The following PKHD1L1 variants were observed in gnomAD, a reference collection of about 807,000 sequenced individuals.
PKHD1L1 encodes PKHD1 like 1.
A neutral mutation model predicts 462.9 loss-of-function variants in PKHD1L1; 434 were observed. The observed-to-expected ratio is 0.94, with a 90% CI of 0.87 to 1.02. The LOEUF (loss-of-function observed/expected upper bound fraction) is 1.02. Ranked by LOEUF, PKHD1L1 falls within the 50% of genes least tolerant of loss-of-function variation. The pLI, the probability that PKHD1L1 is intolerant of heterozygous loss-of-function variation, is 0.00. For synonymous variants in PKHD1L1, 1,781 were observed against 1,750.0 expected, an observed-to-expected ratio of 1.02 and a Z score of -0.44; for missense variants, 5,202 against 5,096.1, an observed-to-expected ratio of 1.02 and a Z score of -0.63.
intron 2 of PKHD1L1, among the ~76,000 whole-genome samples, chr8:109,375,145 A>T (rs1215295133): frequency 1.3e-5 from 2 of 152,124 alleles, no homozygotes; most frequent in Non-Finnish European, 2.9e-5. Flanking sequence ...CACCAATTAG[A>T]CGTAGATTTG....
chr8:109,382,367 A>G (rs761058756), intron 3 of PKHD1L1, 96 bp from the exon 4 acceptor site: 15 of 988,136 alleles, frequency 1.5e-5, no homozygotes, highest in Non-Finnish European at 2.1e-5. Flanking sequence ...TTTCTGTCAA[A>G]AATAGCCTGC....
At chr8:109,407,537 C>G (rs1824193) in intron 17 of PKHD1L1, among the ~76,000 whole-genome samples, 3 of 151,834 alleles carry the variant, frequency 2.0e-5, no homozygotes, top group African/African-American at 7.3e-5. Context: ...GAGGACAGGC[C>G]TTATTCCTCT....
chr8:109,464,262 A>G lies in PKHD1L1; in HGVS notation c.7430A>G (p.His2477Arg). 1.9e-6 allele frequency: 3 copies of G among 1,612,184 alleles called. No individual in the cohort carries two copies. The highest frequency in any genetic ancestry group is 1.7e-4 in the Middle Eastern group (1 of 6,054). ...TTCCGGTTGGGGCGATATCCAATAC[A>G]TTGGCACCTGCTTGGAGACTTACAG... ...QAFRLGRYPI[H>R]WHLLGDLQFK... Residue 2477 changes from histidine to arginine, a missense_variant, in exon 49 of 78, where the codon CAT (histidine) becomes CGT (arginine). Around this residue, in one of 3 missense-constraint regions of PKHD1L1, gnomAD observed 4,497 missense variants for 4,336.8 expected, o/e 1.04. Coordinates refer to ENST00000378402, the MANE Select transcript of PKHD1L1 (RefSeq NM_177531.6).
chr8:109,401,512 C>A lies in PKHD1L1; in HGVS notation c.1297C>A (p.His433Asn), dbSNP rs771003823. 3.8e-6 allele frequency: 6 copies of A among 1,579,754 alleles called. No homozygotes were observed. Among genetic ancestry groups the A allele is most frequent in the Middle Eastern group, 3.3e-4 (2 of 5,994 alleles). ...LPEDKVRIAY[H>N]SANANSYFSS... ...CTCGGATTAGGTGAGGATTGCATAT[C>A]ATTCTGCTAATGCCAACAGTTATTT... is the stretch of plus-strand genomic sequence containing the variant. Residue 433 changes from histidine to asparagine, a missense_variant, in exon 14 of 78, where the codon CAT becomes AAT. Around this residue, in one of 3 missense-constraint regions of PKHD1L1, gnomAD observed 4,497 missense variants for 4,336.8 expected, o/e 1.04. Transcript: ENST00000378402.
chr8:109,375,589 G>C (rs1811773661), intron 2 of PKHD1L1, among the ~76,000 whole-genome samples: 1 of 152,110 alleles, frequency 6.6e-6, no homozygotes, highest in South Asian at 2.1e-4. Flanking sequence ...GATTTTTAGA[G>C]TTTCCAGTTT....
intron 55 of PKHD1L1, among the ~76,000 whole-genome samples, chr8:109,480,868 A>G (rs1305062446): frequency 6.6e-6 from 1 of 152,012 alleles, no homozygotes; most frequent in Non-Finnish European, 1.5e-5. Flanking sequence ...ACTGAATTTT[A>G]CCTTATTGTT....
intron 9 of PKHD1L1, among the ~76,000 whole-genome samples, chr8:109,393,505 C>T (rs1812806697): frequency 6.6e-6 from 1 of 152,028 alleles, no homozygotes; most frequent in South Asian, 2.1e-4. Flanking sequence ...TTATTAAGGA[C>T]AGTTTTAACC....
intron 6 of PKHD1L1, among the ~76,000 whole-genome samples, 175 bp from the exon 7 acceptor site, chr8:109,388,322 G>A (rs1812536846): frequency 6.6e-6 from 1 of 152,038 alleles, no homozygotes; most frequent in South Asian, 2.1e-4. Context: ...CCTAGAACAG[G>A]GACTGCCACA....
rs776905651 is a variant in PKHD1L1 at position 109,445,524 on chromosome 8, C to G, written c.5655C>G (p.Pro1885=). ...INPNEVYCRT[P]AGTTGMVDVK... ...CCAATGAAGTCTACTGCCGCACTCC[C>G]GCTGGGACCACTGGAATGGTCGATG... is the stretch of plus-strand genomic sequence containing the variant. Residue 1885 remains proline (P), a synonymous_variant, in exon 38 of 78, where the codon CCC becomes CCG. Transcript: ENST00000378402. The G allele has an allele frequency of 6.8e-6, 11 of 1,613,408 alleles. No homozygotes were observed. Among genetic ancestry groups the G allele is most frequent in the Non-Finnish European group, 9.3e-6 (11 of 1,179,738 alleles).
At chr8:109,397,560 C>T (rs1181794817) in intron 11 of PKHD1L1, among the ~76,000 whole-genome samples, 2 of 152,040 alleles carry the variant, frequency 1.3e-5, no homozygotes, top group East Asian at 3.9e-4. Context: ...CATAGTGGCA[C>T]ATGCCCGTAG....
intron 67 of PKHD1L1, among the ~76,000 whole-genome samples, chr8:109,500,520 C>CAAAAAA (rs542817713): frequency 4.6e-5 from 2 of 43,702 alleles, no homozygotes; most frequent in Admixed American, 3.0e-4. Flanking sequence ...ACTAAAAATA[C>CAAAAAA]AAAAAAAAAA....
chr8:109,466,493 A>G (rs1817445451), intron 49 of PKHD1L1, 85 bp from the exon 50 acceptor site: 3 of 1,326,874 alleles, frequency 2.3e-6, no homozygotes, highest in South Asian at 1.6e-5. Flanking sequence ...TAGTGGTACT[A>G]TGGGTCACAA....
intron 9 of PKHD1L1, among the ~76,000 whole-genome samples, chr8:109,390,719 A>G (rs1812673200): frequency 1.3e-5 from 2 of 152,096 alleles, no homozygotes. Flanking sequence ...TAACATAAAA[A>G]TCTTTACTTG....
At chr8:109,506,860 G>A (rs1819715538) in intron 68 of PKHD1L1, among the ~76,000 whole-genome samples, 1 of 152,034 alleles carries the variant, frequency 6.6e-6, no homozygotes, top group Admixed American at 6.6e-5. Flanking sequence ...TATTCTATGA[G>A]TATATTGTAT....
Position 109,470,461 on chromosome 8 carries a change from A to G in PKHD1L1, c.8605+3692A>G, listed in dbSNP as rs1817661542. 1.9e-6 allele frequency: 3 copies of G among 1,606,016 alleles called. No individual in the cohort carries two copies. The African/African-American group carries it at 4.0e-5, about 22-fold the overall frequency. ...AAAATGTGAAAGGAATGGATTGGTT[A>G]AAGCCCAGATAGCGCTAGAGGAAGC... is the stretch of plus-strand genomic sequence containing the variant. On this transcript the variant is annotated intron_variant, in intron 50 of 77. Coordinates refer to ENST00000378402, the MANE Select transcript of PKHD1L1 (RefSeq NM_177531.6).
chr8:109,404,439 A>G, intron 14 of PKHD1L1, 115 bp from the exon 15 acceptor site: 2 of 594,260 alleles, frequency 3.4e-6, no homozygotes, highest in Non-Finnish European at 2.6e-6. Context: ...ATACTACAAT[A>G]TAAGTCATTT....
intron 33 of PKHD1L1, 132 bp downstream of exon 33, chr8:109,440,984 TA>T (rs1189860575): frequency 8.6e-7 from 1 of 1,158,474 alleles, no homozygotes; most frequent in African/African-American, 1.5e-5. Context: ...AAGGTAAGTG[TA>T]TTTGGTTAAA....
At chr8:109,398,090 C>T (rs781467761) in intron 11 of PKHD1L1, among the ~76,000 whole-genome samples, 4 of 152,046 alleles carry the variant, frequency 2.6e-5, no homozygotes, top group African/African-American at 4.8e-5. Context: ...TCTACCTTTG[C>T]AAATTCTGAA....
chr8:109,377,105 CCA>C (rs1811876886), intron 2 of PKHD1L1, among the ~76,000 whole-genome samples: 1 of 152,186 alleles, frequency 6.6e-6, no homozygotes, highest in African/African-American at 2.4e-5. Context: ...AGCAGTTGTA[CCA>C]CAGATATCTT....
Sources: allele counts gnomAD v4.1 joint callset (sites outside exome capture counted in the v4.1 genomes callset), GRCh38; gene constraint gnomAD v4.1.1; regional missense constraint gnomAD v4.1.1; transcripts MANE v1.5; gene names NCBI Gene and HGNC (gene_info 2026-07-23, HGNC 2026-07-21).